MMS22L: variants seen among roughly 807,000 people sequenced by gnomAD.
MMS22L encodes protein MMS22-like.
A neutral mutation model predicts 159.1 loss-of-function variants in MMS22L; 74 were observed. That is an observed-to-expected ratio of 0.47 (90% CI 0.39 to 0.56). The LOEUF (loss-of-function observed/expected upper bound fraction) is 0.56. Ranked by LOEUF, MMS22L falls within the 20% of genes least tolerant of loss-of-function variation. The pLI, the probability that MMS22L is intolerant of heterozygous loss-of-function variation, is 0.00. For synonymous variants in MMS22L, 517 were observed against 506.9 expected, an observed-to-expected ratio of 1.02 and a Z score of -0.27; for missense variants, 1,351 against 1,422.1, an observed-to-expected ratio of 0.95 and a Z score of 0.80.
At chr6:97,271,204 A>C (rs1039420891) in intron 6 of MMS22L, 2 of 152,120 alleles carry the variant, frequency 1.3e-5, no homozygotes, top group Non-Finnish European at 2.9e-5. Context: ...TGTTTCAGAA[A>C]AGAACAGTAT....
intron 6 of MMS22L, chr6:97,272,042 T>C (rs1212331657): frequency 6.6e-6 from 1 of 152,174 alleles, no homozygotes; most frequent in Non-Finnish European, 1.5e-5. Flanking sequence ...TCAAATATAA[T>C]GAAAGGGGTT....
At position 97,263,378 on chromosome 6, in the gene MMS22L, A is replaced by C; in HGVS notation, c.899T>G (p.Leu300Arg). 1 of 1,594,088 alleles carries C rather than the reference A, an allele frequency of 6.3e-7. No homozygotes were observed. Among genetic ancestry groups the C allele is most frequent in the Non-Finnish European group, 8.5e-7 (1 of 1,173,752 alleles). ...CLCIKELWVLLIHLLDHRSKW... is the reference protein window; with the variant it reads ...CLCIKELWVLRIHLLDHRSKW... Reference sequence around the variant, plus strand: ...ACTTCTGTGGTCTAGAAGATGAATAAGTAGAACCCATAATTCTTTAATGCA... The same window carrying C: ...ACTTCTGTGGTCTAGAAGATGAATACGTAGAACCCATAATTCTTTAATGCA... The change falls in exon 9 of 25, where the codon CTT (leucine) becomes CGT (arginine). Residue 300 changes from leucine to arginine, a missense_variant. By Grantham distance (102) the Leu-to-Arg change is moderately radical. Coordinates refer to ENST00000683635, the MANE Select transcript of MMS22L (RefSeq NM_001350599.2).
intron 22 of MMS22L, among the ~76,000 whole-genome samples, chr6:97,153,272 T>C (rs1801501160): frequency 1.3e-5 from 2 of 151,898 alleles, no homozygotes; most frequent in Non-Finnish European, 2.9e-5. Context: ...AATTTTACAA[T>C]ATTTTCAATA....
rs754600099 is a variant in MMS22L at position 97,267,897 on chromosome 6, C to T, written c.803G>A (p.Ser268Asn). Residue 268 changes from serine (S) to asparagine (N), a missense_variant, in exon 8 of 25, where the codon AGC becomes AAC. By Grantham distance (46) the Ser-to-Asn change is conservative. Coordinates refer to ENST00000683635, the MANE Select transcript of MMS22L (RefSeq NM_001350599.2). ...HCETLLCDLI[S>N]LSLNRYDKVR... ...CTTGTCGTACCTGTTGAGTGACAGG[C>T]TTATTAAATCACAAAGGAGAGTTTC... The T allele has an allele frequency of 1.2e-6, 2 of 1,607,184 alleles. No homozygotes were observed. Among genetic ancestry groups the T allele is most frequent in the Non-Finnish European group, 1.7e-6 (2 of 1,177,920 alleles).
intron 18 of MMS22L, among the ~76,000 whole-genome samples, chr6:97,174,614 G>A (rs1803939500): frequency 6.6e-6 from 1 of 152,144 alleles, no homozygotes; most frequent in African/African-American, 2.4e-5. Context: ...ACAGAGAGGG[G>A]AAGATTACAG....
intron 20 of MMS22L, 47 bp downstream of exon 20, chr6:97,168,024 T>C: frequency 6.8e-7 from 1 of 1,464,984 alleles, no homozygotes. Context: ...TAAGGCAAAG[T>C]TTCAATATTT....
At chr6:97,246,113 G>A in intron 11 of MMS22L, 1 of 437,840 alleles carries the variant, frequency 2.3e-6, no homozygotes, top group South Asian at 1.7e-5. Flanking sequence ...TTTAAAAGGA[G>A]GTCAAGTCTG....
chr6:97,165,118 C>T, intron 21 of MMS22L, 128 bp downstream of exon 21: 1 of 718,202 alleles, frequency 1.4e-6, no homozygotes, highest in Non-Finnish European at 2.3e-6. Flanking sequence ...TAATGCTTCT[C>T]AGGAAAACAA....
intron 9 of MMS22L, among the ~76,000 whole-genome samples, chr6:97,258,051 A>G (rs1814020212): frequency 6.6e-6 from 1 of 152,072 alleles, no homozygotes. Context: ...CCTTTTCCCA[A>G]TTTGTTTATA....
intron 19 of MMS22L, among the ~76,000 whole-genome samples, chr6:97,172,372 TAA>T (rs1407359176): frequency 6.6e-6 from 1 of 151,800 alleles, no homozygotes; most frequent in Admixed American, 6.6e-5. Flanking sequence ...AGGGAACAGA[TAA>T]AAGGTTTTGA....
intron 14 of MMS22L, among the ~76,000 whole-genome samples, chr6:97,203,012 C>T (rs868262253): frequency 6.6e-6 from 1 of 152,034 alleles, no homozygotes; most frequent in Non-Finnish European, 1.5e-5. Context: ...TTGCTTTGTA[C>T]AAAAAGGATA....
chr6:97,209,803 GT>G (rs1808179005), intron 14 of MMS22L, among the ~76,000 whole-genome samples: 1 of 151,836 alleles, frequency 6.6e-6, no homozygotes, highest in South Asian at 2.1e-4. Flanking sequence ...CTTAAGAAAA[GT>G]CTTTCCTATG....
Position 97,194,341 on chromosome 6 carries a change from C to T in MMS22L, c.2040-7651G>A, listed in dbSNP as rs115022605. 6.0e-3 allele frequency among the ~76,000 whole-genome samples: 910 copies of T among 152,276 alleles called. 11 individuals are homozygous for T. The highest frequency in any genetic ancestry group is 0.021 in the African/African-American group (872 of 41,564). On this transcript the variant is annotated intron_variant, in intron 14 of 24. Transcript: ENST00000683635. ...AAAGTGCTGGGATTCTAGGCGTTAGCCACCATGCCCGGCCGAGGGTCTACA... is the reference window on the plus strand; with the variant it reads ...AAAGTGCTGGGATTCTAGGCGTTAGTCACCATGCCCGGCCGAGGGTCTACA...
At chr6:97,211,238 A>G (rs1808340079) in intron 14 of MMS22L, among the ~76,000 whole-genome samples, 1 of 152,034 alleles carries the variant, frequency 6.6e-6, no homozygotes, top group Non-Finnish European at 1.5e-5. Flanking sequence ...AAATCCCTTA[A>G]AACTTTTACA....
chr6:97,282,373 G>C lies in MMS22L; in HGVS notation c.105C>G (p.Asn35Lys). The C allele has an allele frequency of 6.2e-7, 1 of 1,614,126 alleles. No homozygotes were observed. Among genetic ancestry groups the C allele is most frequent in the Admixed American group, 1.7e-5 (1 of 60,020 alleles). Residue 35 changes from asparagine (N) to lysine (K), a missense_variant, in exon 2 of 25, where the codon AAC becomes AAG. Transcript: ENST00000683635. Reference sequence around the variant, plus strand: ...CAGAAAAATGTTTTCCTCCTCCTCTGTTGTCAACAGCACAAGAAAAGTAAG... The same window carrying C: ...CAGAAAAATGTTTTCCTCCTCCTCTCTTGTCAACAGCACAAGAAAAGTAAG... Reference protein sequence around the residue: ...KPPYFSCAVDNRGGGKHFSGE... With the variant: ...KPPYFSCAVDKRGGGKHFSGE...
At chr6:97,249,598 A>G (rs1813028525) in intron 10 of MMS22L, among the ~76,000 whole-genome samples, 1 of 152,084 alleles carries the variant, frequency 6.6e-6, no homozygotes, top group African/African-American at 2.4e-5. Context: ...AAATTTCCCC[A>G]TTTCACAGAA....
Position 97,229,327 on chromosome 6 carries a change from G to A in MMS22L, c.1606C>T (p.Leu536=). The A allele has an allele frequency of 6.2e-7, 1 of 1,612,766 alleles. No individual in the cohort carries two copies. The highest frequency in any genetic ancestry group is 8.5e-7 in the Non-Finnish European group (1 of 1,179,578). ...ACCTCTGCAACAGCTGCTAACAGTA[G>A]AAAAAGGCTAAAAAAGTTCTGTAGA... ...VGLQNFFSLF[L]LLAAVAEVED... is the part of the protein sequence containing the mutation. The change falls in exon 14 of 25, where the codon CTA becomes TTA. Residue 536 remains leucine, a synonymous_variant. Coordinates refer to ENST00000683635, the MANE Select transcript of MMS22L (RefSeq NM_001350599.2).
chr6:97,272,189 G>C (rs913778906), intron 6 of MMS22L: 3 of 152,112 alleles, frequency 2.0e-5, no homozygotes, highest in Admixed American at 2.0e-4. Flanking sequence ...AAACTTCAGA[G>C]GGAATGATTA....
intron 13 of MMS22L, among the ~76,000 whole-genome samples, chr6:97,230,068 C>T (rs1300522004): frequency 6.6e-6 from 1 of 152,028 alleles, no homozygotes; most frequent in Non-Finnish European, 1.5e-5. Flanking sequence ...ATCTGAATTC[C>T]TACTTACGAA....
Sources: gnomAD v4.1 joint callset for allele counts (sites outside exome capture counted in the v4.1 genomes callset) on GRCh38, gnomAD v4.1.1 for gene constraint, MANE v1.5 for transcripts, NCBI Gene and HGNC (gene_info 2026-07-23, HGNC 2026-07-21) for gene names.